Variants in PCNX1 observed in about 807,000 individuals in gnomAD.
PCNX1 encodes pecanex-like protein 1.
Under a neutral mutation model 242.2 loss-of-function variants are expected in PCNX1, and 78 were observed. The ratio of observed to expected loss-of-function variants is 0.32; its 90% CI spans 0.27 to 0.39. PCNX1 has a LOEUF of 0.39. Ranked by LOEUF, PCNX1 falls within the 10% of genes least tolerant of loss-of-function variation. The pLI is 1.00. For missense variants in PCNX1, 2,581 were observed against 2,856.5 expected (o/e 0.90, Z 2.20); for synonymous variants, 1,024 against 1,032.9 (o/e 0.99, Z 0.17).
intron 2 of PCNX1, among the ~76,000 whole-genome samples, chr14:70,948,409 C>G (rs553384088): frequency 6.6e-6 from 1 of 152,024 alleles, no homozygotes; most frequent in Non-Finnish European, 1.5e-5. Flanking sequence ...AAAGAACCTA[C>G]GTTGAAATAT....
At position 71,076,386 on chromosome 14, in the gene PCNX1, C is replaced by T; in HGVS notation, c.5304C>T (p.Asn1768=). The change falls in exon 28 of 36, where the codon AAC becomes AAT. Residue 1768 remains asparagine (N), a synonymous_variant. Coordinates refer to ENST00000304743, the MANE Select transcript of PCNX1 (RefSeq NM_014982.3). The part of the protein sequence containing the change: ...SRESFCVIYL[N]WIEYCSSRRA... ...AGAGTTTCTGTGTGATTTACCTCAACTGGATAGAGTACTGCTCTTCCCGAA... is the reference window on the plus strand; with the variant it reads ...AGAGTTTCTGTGTGATTTACCTCAATTGGATAGAGTACTGCTCTTCCCGAA... 6.2e-7 allele frequency: 1 copy of T among 1,610,470 alleles called. No homozygotes were observed. Among genetic ancestry groups the T allele is most frequent in the Non-Finnish European group, 8.5e-7 (1 of 1,176,806 alleles).
intron 5 of PCNX1, among the ~76,000 whole-genome samples, chr14:70,970,763 G>A (rs1412411203): frequency 1.3e-5 from 2 of 152,230 alleles, no homozygotes; most frequent in Non-Finnish European, 2.9e-5. Context: ...CCATTGTAGA[G>A]TGAAAGGAGT....
rs1169058906 is a variant in PCNX1 at position 70,969,038 on chromosome 14, A to G, written c.532A>G (p.Lys178Glu). ...CTTTGTAGGAGATACAGACACTGCT[A>G]AGACTTCTGATGATATCAGTTTAAG... is the stretch of plus-strand genomic sequence containing the variant. ...ATIKGDTDTA[K>E]TSDDISLSLG... Residue 178 changes from lysine (K) to glutamate (E), a missense_variant, in exon 5 of 36, where the codon AAG (lysine) becomes GAG (glutamate). Lys to Glu is a moderately conservative substitution (Grantham distance 56). Around this residue, in one of 9 missense-constraint regions of PCNX1, gnomAD observed 1,204 missense variants for 1,216.7 expected, o/e 0.99. Transcript: ENST00000304743. 6.2e-7 allele frequency: 1 copy of G among 1,605,530 alleles called. No individual in the cohort carries two copies. Among genetic ancestry groups the G allele is most frequent in the African/African-American group, 1.3e-5 (1 of 74,850 alleles).
At chr14:71,041,712 C>G (rs1482747034) in intron 19 of PCNX1, among the ~76,000 whole-genome samples, 4 of 151,820 alleles carry the variant, frequency 2.6e-5, no homozygotes, top group Non-Finnish European at 5.9e-5. Flanking sequence ...ACCTTTCTTA[C>G]TAGTTCCTTG....
Position 71,110,162 on chromosome 14 carries a change from A to G in PCNX1, c.*227A>G, listed in dbSNP as rs1187934080. 1 of 588,278 alleles carries G rather than the reference A, an allele frequency of 1.7e-6. No individual in the cohort carries two copies. Among genetic ancestry groups the G allele is most frequent in the Non-Finnish European group, 3.1e-6 (1 of 324,780 alleles). 36.4% of individuals were successfully genotyped at this position (588,278 alleles called of 1,614,324 possible). On this transcript the variant is annotated 3_prime_UTR_variant, in exon 36 of 36. Coordinates refer to ENST00000304743, the MANE Select transcript of PCNX1 (RefSeq NM_014982.3). The stretch of plus-strand genomic sequence containing the variant: ...AAATATTTTTTTAAGTTAGCTGCCG[A>G]GAAAACATTTTGCATGAAGGATAAA...
Position 71,036,105 on chromosome 14 carries a change from T to A in PCNX1, c.3815T>A (p.Ile1272Asn). Residue 1272 changes from isoleucine (I) to asparagine (N), a missense_variant, in exon 19 of 36, where the codon ATT becomes AAT. Around this residue, in one of 9 missense-constraint regions of PCNX1, gnomAD observed 432 missense variants for 443.1 expected, o/e 0.97. Transcript: ENST00000304743. ...TCTGACCTGGTAGTATGCATTGTAA[T>A]TGGTGTGCTGTATTTTGCTATTCAT... ...LQSDLVVCIVIGVLYFAIHVS... is the reference protein window; with the variant it reads ...LQSDLVVCIVNGVLYFAIHVS... 6.2e-7 allele frequency: 1 copy of A among 1,609,928 alleles called. No individual in the cohort carries two copies. The highest frequency in any genetic ancestry group is 8.5e-7 in the Non-Finnish European group (1 of 1,176,202).
intron 1 of PCNX1, among the ~76,000 whole-genome samples, chr14:70,914,433 C>T (rs759973149): frequency 1.1e-4 from 16 of 152,090 alleles, no homozygotes; most frequent in Non-Finnish European, 1.9e-4. Flanking sequence ...AATGTTCTGT[C>T]TTTTGTGACG....
intron 22 of PCNX1, among the ~76,000 whole-genome samples, chr14:71,049,861 C>T (rs572313663): frequency 6.6e-6 from 1 of 152,286 alleles, no homozygotes; most frequent in South Asian, 2.1e-4. Context: ...TGGACAAGTA[C>T]AGCAACTCTG....
At chr14:71,055,364 C>T (rs997846781) in intron 24 of PCNX1, 140 bp from the exon 25 acceptor site, 2 of 566,810 alleles carry the variant, frequency 3.5e-6, no homozygotes, top group South Asian at 2.7e-5. Flanking sequence ...TATCATTATA[C>T]TAATCACAGA....
Position 70,947,094 on chromosome 14 carries a change from A to C in PCNX1, c.333A>C (p.Ser111=). 6.2e-7 allele frequency: 1 copy of C among 1,612,410 alleles called. No individual in the cohort carries two copies. Among genetic ancestry groups the C allele is most frequent in the Non-Finnish European group, 8.5e-7 (1 of 1,179,188 alleles). Reference sequence around the variant, plus strand: ...CCAAAGCTGAACAAGGCAACTGTTCAACCAGGAGAAAAGACAGCAATGGAC... The same window carrying C: ...CCAAAGCTGAACAAGGCAACTGTTCCACCAGGAGAAAAGACAGCAATGGAC... ...QRTKAEQGNC[S]TRRKDSNGPS... Residue 111 remains serine, a synonymous_variant, in exon 2 of 36, where the codon TCA becomes TCC. Coordinates refer to ENST00000304743, the MANE Select transcript of PCNX1 (RefSeq NM_014982.3).
At chr14:71,084,237 G>A (rs1461001691) in intron 28 of PCNX1, among the ~76,000 whole-genome samples, 1 of 152,226 alleles carries the variant, frequency 6.6e-6, no homozygotes, top group South Asian at 2.1e-4. Flanking sequence ...TCCCAGAGGG[G>A]CACCCGGCAG....
rs745853120 is a variant in PCNX1, at chr14:71,109,886, A to G, written c.6977A>G (p.Tyr2326Cys). The G allele has an allele frequency of 6.2e-7, 1 of 1,613,172 alleles. No individual in the cohort carries two copies. The highest frequency in any genetic ancestry group is 8.5e-7 in the Non-Finnish European group (1 of 1,179,172). ...CTTCTGGTCCAGATTGATGATAAAT[A>G]TGTGACTGTAATTGAAACTGGGGTA... ...AVLLVQIDDK[Y>C]VTVIETGVLE... Residue 2326 changes from tyrosine (Y) to cysteine (C), a missense_variant, in exon 36 of 36, where the codon TAT becomes TGT. Around this residue, in one of 9 missense-constraint regions of PCNX1, gnomAD observed 432 missense variants for 433.6 expected, o/e 1.00. Transcript: ENST00000304743.
intron 1 of PCNX1, among the ~76,000 whole-genome samples, chr14:70,915,408 G>C (rs956663798): frequency 6.6e-6 from 1 of 152,098 alleles, no homozygotes; most frequent in African/African-American, 2.4e-5. Context: ...TACAGCCATT[G>C]GTAATTCCAT....
chr14:71,037,192 A>G (rs908200185), intron 19 of PCNX1, among the ~76,000 whole-genome samples: 2 of 149,624 alleles, frequency 1.3e-5, no homozygotes, highest in Non-Finnish European at 3.0e-5. Context: ...TTTTGGGCTG[A>G]GACAATGGGG....
At chr14:71,006,747 T>A (rs2059679907) in intron 8 of PCNX1, among the ~76,000 whole-genome samples, 1 of 152,180 alleles carries the variant, frequency 6.6e-6, no homozygotes, top group African/African-American at 2.4e-5. Context: ...TTATTTCTGG[T>A]TGGTTATTTT....
At chr14:70,994,672 A>C (rs2059293987) in intron 7 of PCNX1, among the ~76,000 whole-genome samples, 1 of 151,682 alleles carries the variant, frequency 6.6e-6, no homozygotes, top group African/African-American at 2.4e-5. Flanking sequence ...ACTTCAATCG[A>C]CAGATTGCAG....
rs2061645102 is a variant in PCNX1 at position 71,073,791 on chromosome 14, A to G, written c.5099A>G (p.Tyr1700Cys). The change falls in exon 27 of 36, where the codon TAT becomes TGT. Residue 1700 changes from tyrosine (Y) to cysteine (C), a missense_variant. Transcript: ENST00000304743. ...FDLRKVLTTY[Y>C]VKGIIYYVTT... is the part of the protein sequence containing the mutation. ...CTTCGGAAAGTACTCACCACTTACT[A>G]TGTCAAGGTAGGAGTATGTGCCTAC... 1 of 1,599,854 alleles carries G rather than the reference A, an allele frequency of 6.3e-7. No homozygotes were observed. The highest frequency in any genetic ancestry group is 8.5e-7 in the Non-Finnish European group (1 of 1,170,218).
chr14:71,016,083 T>G (rs2059956383), intron 11 of PCNX1, among the ~76,000 whole-genome samples: 1 of 152,122 alleles, frequency 6.6e-6, no homozygotes, highest in African/African-American at 2.4e-5. Flanking sequence ...CATGCTAACA[T>G]TAACAAAAGG....
In PCNX1 at chr14:71,114,162, A is replaced by AAATT. The variant is rs1300376466; in HGVS notation, c.*4229_*4232dup. On this transcript the variant is annotated 3_prime_UTR_variant, in exon 36 of 36. Coordinates refer to ENST00000304743, the MANE Select transcript of PCNX1 (RefSeq NM_014982.3). ...GTTTCATTGGTGTTGAGGAAGAAAA[A>AAATT]AATTAGATACTACCATGCATTGGGA... 1 of 152,348 alleles carries AAATT rather than the reference A, an allele frequency of 6.6e-6. No homozygotes were observed. The highest frequency in any genetic ancestry group is 6.5e-5 in the Admixed American group (1 of 15,310). 9.4% of individuals were successfully genotyped at this position (152,348 alleles called of 1,614,324 possible).
Sources: gnomAD v4.1 joint callset for allele counts (sites outside exome capture counted in the v4.1 genomes callset) on GRCh38, gnomAD v4.1.1 for gene constraint, gnomAD v4.1.1 regional missense constraint, MANE v1.5 for transcripts, NCBI Gene and HGNC (gene_info 2026-07-23, HGNC 2026-07-21) for gene names.